Variants in NDUFA5 observed in about 807,000 individuals in gnomAD.
NDUFA5 encodes the protein NADH dehydrogenase [ubiquinone] 1 alpha subcomplex subunit 5.
Under a neutral mutation model 19.8 loss-of-function variants are expected in NDUFA5, and 11 were observed. The observed-to-expected ratio is 0.56, with a 90% confidence interval of 0.35 to 0.92. NDUFA5 has a LOEUF of 0.92. Among genes scored for constraint, NDUFA5 ranks in the 40% least tolerant of loss-of-function variants. The probability of loss-of-function intolerance (pLI) is 0.01; values close to 1 mark genes in which losing one functional copy is unlikely to be tolerated. For missense variants in NDUFA5, 109 were observed against 134.2 expected (o/e 0.81, Z 0.93); for synonymous variants, 47 against 46.8 (o/e 1.00, Z -0.01).
intron 4 of NDUFA5, among the ~76,000 whole-genome samples, chr7:123,544,816 C>CT (rs1242539886): frequency 7.4e-6 from 1 of 134,314 alleles, no homozygotes; most frequent in Non-Finnish European, 1.6e-5. Flanking sequence ...CCCATAGATG[C>CT]TTTAAAAAAC....
chr7:123,593,553 A>T, the NDUFA5 span, among the ~76,000 whole-genome samples: 5 of 152,154 alleles, frequency 3.3e-5, no homozygotes, highest in African/African-American at 1.2e-4. Flanking sequence ...TGGATATGAA[A>T]TTCTGGGTTG....
intron 4 of NDUFA5, among the ~76,000 whole-genome samples, chr7:123,542,539 G>A (rs1335221510): frequency 1.3e-5 from 2 of 152,102 alleles, no homozygotes; most frequent in South Asian, 2.1e-4. Context: ...TTTCATCTAT[G>A]TCAGTGGCTT....
At chr7:123,550,940 CTTTT>C (rs573165090) in intron 2 of NDUFA5, among the ~76,000 whole-genome samples, 54 of 151,918 alleles carry the variant, frequency 3.6e-4, no homozygotes, top group Admixed American at 1.5e-3. Flanking sequence ...TTCTTTCTTT[CTTTT>C]GAGACGAAGT....
At chr7:123,590,780 G>A in the NDUFA5 span, among the ~76,000 whole-genome samples, 4 of 152,040 alleles carry the variant, frequency 2.6e-5, no homozygotes, top group Non-Finnish European at 4.4e-5. Context: ...TTGGCTATGC[G>A]GGCTCCTTTT....
chr7:123,573,767 G>T, the NDUFA5 span, among the ~76,000 whole-genome samples: 1 of 151,926 alleles, frequency 6.6e-6, no homozygotes, highest in Non-Finnish European at 1.5e-5. Flanking sequence ...GACTACTTTA[G>T]ATCTAAGTCT....
chr7:123,560,534 T>G (rs1346217320), upstream of NDUFA5, among the ~76,000 whole-genome samples: 2 of 152,182 alleles, frequency 1.3e-5, no homozygotes, highest in African/African-American at 4.8e-5. Context: ...AACAAAATAC[T>G]ATGGATGAGG....
chr7:123,583,607 C>T, the NDUFA5 span, among the ~76,000 whole-genome samples: 3 of 151,836 alleles, frequency 2.0e-5, no homozygotes, highest in African/African-American at 7.3e-5. Context: ...ATCAACAACC[C>T]TTAGTCATAA....
chr7:123,560,022 A>G (rs1798669529), upstream of NDUFA5, among the ~76,000 whole-genome samples: 1 of 152,188 alleles, frequency 6.6e-6, no homozygotes, highest in Non-Finnish European at 1.5e-5. Context: ...TCAAAAATAC[A>G]AAGTTGGTTT....
chr7:123,578,902 G>C, the NDUFA5 span, among the ~76,000 whole-genome samples: 1 of 152,016 alleles, frequency 6.6e-6, no homozygotes, highest in South Asian at 2.1e-4. Flanking sequence ...TTACATGCAA[G>C]GTATTTTATT....
the NDUFA5 span, among the ~76,000 whole-genome samples, chr7:123,574,155 T>C: frequency 6.6e-6 from 1 of 152,072 alleles, no homozygotes; most frequent in Admixed American, 6.5e-5. Context: ...ATTTTTGACA[T>C]CTCTTCTTTT....
the NDUFA5 span, among the ~76,000 whole-genome samples, chr7:123,586,645 A>C: frequency 6.6e-6 from 1 of 151,688 alleles, no homozygotes; most frequent in Non-Finnish European, 1.5e-5. Context: ...ATTGTCAAGT[A>C]CACCTCCCCC....
rs570429420 is a variant in NDUFA5 at position 123,547,820 on chromosome 7, A to G, written c.184-2144T>C. Among the ~76,000 whole-genome samples the G allele has an allele frequency of 2.6e-5, 4 of 152,310 alleles. No homozygotes were observed. The Middle Eastern group carries it at 0.01, about 389-fold the overall frequency. ...AATGTGATTTTTAGTCACCAATGGC[A>G]TAATGCTATTAAACTTGATAAGGTA... On this transcript the variant is annotated intron_variant, in intron 3 of 4. Coordinates refer to ENST00000355749, the MANE Select transcript of NDUFA5 (RefSeq NM_005000.5).
the NDUFA5 span, among the ~76,000 whole-genome samples, chr7:123,581,518 A>G: frequency 6.6e-6 from 1 of 151,454 alleles, no homozygotes; most frequent in African/African-American, 2.4e-5. Context: ...TGTTATTTCT[A>G]CCTTCATCTT....
intron 4 of NDUFA5, among the ~76,000 whole-genome samples, chr7:123,544,498 C>CAAA (rs754788912): frequency 2.7e-5 from 2 of 72,932 alleles, no homozygotes; most frequent in Admixed American, 1.6e-4. Context: ...AACTCCATCT[C>CAAA]AAAAAAAAAA....
chr7:123,596,345 C>T, the NDUFA5 span: 3 of 152,106 alleles, frequency 2.0e-5, no homozygotes, highest in African/African-American at 4.8e-5. Flanking sequence ...GGTGCAGTGG[C>T]TCATACCTGT....
intron 1 of NDUFA5, 151 bp from the exon 2 acceptor site, chr7:123,557,599 C>T: frequency 6.2e-7 from 1 of 1,613,210 alleles, no homozygotes; most frequent in East Asian, 2.2e-5. Flanking sequence ...AGCTTTTTTC[C>T]TGACTCTCGG....
the NDUFA5 span, among the ~76,000 whole-genome samples, chr7:123,594,315 TC>T: frequency 6.6e-6 from 1 of 152,142 alleles, no homozygotes; most frequent in Non-Finnish European, 1.5e-5. Flanking sequence ...CCAGTTTTGT[TC>T]CCTTGCTGGC....
At chr7:123,570,413 C>G in the NDUFA5 span, among the ~76,000 whole-genome samples, 2 of 151,842 alleles carry the variant, frequency 1.3e-5, no homozygotes, top group African/African-American at 4.8e-5. Context: ...CCCTGACTGT[C>G]CCTTCCACCG....
the NDUFA5 span, among the ~76,000 whole-genome samples, chr7:123,578,826 T>G: frequency 6.6e-6 from 1 of 152,156 alleles, no homozygotes; most frequent in Non-Finnish European, 1.5e-5. Flanking sequence ...TCCCCTATTT[T>G]TGTCAATCTA....
Sources: allele counts gnomAD v4.1 joint callset (sites outside exome capture counted in the v4.1 genomes callset), GRCh38; gene constraint gnomAD v4.1.1; transcripts MANE v1.5; gene names NCBI Gene and HGNC (gene_info 2026-07-23, HGNC 2026-07-21).